Variants in GMDS observed in about 807,000 individuals in gnomAD.
GMDS encodes GDP-mannose 4,6 dehydratase.
A neutral mutation model predicts 49.9 loss-of-function variants in GMDS; 20 were observed. The observed-to-expected ratio is 0.40, with a 90% CI of 0.28 to 0.58. GMDS has a LOEUF of 0.58. Among genes scored for constraint, GMDS ranks in the 20% least tolerant of loss-of-function variants. The pLI, the probability that GMDS is intolerant of heterozygous loss-of-function variation, is 0.42. For missense variants in GMDS, 362 were observed against 481.4 expected, an observed-to-expected ratio of 0.75 and a Z score of 2.32; for synonymous variants, 177 against 178.6, an observed-to-expected ratio of 0.99 and a Z score of 0.07.
intron 9 of GMDS, among the ~76,000 whole-genome samples, chr6:1,701,199 G>A: frequency 6.6e-6 from 1 of 152,126 alleles, no homozygotes; most frequent in East Asian, 1.9e-4. Context: ...TGTCCGAAGG[G>A]ATAAACTATA....
intron 4 of GMDS, among the ~76,000 whole-genome samples, chr6:2,067,252 C>T (rs1434318464): frequency 2.6e-5 from 4 of 152,148 alleles, no homozygotes; most frequent in South Asian, 2.1e-4. Flanking sequence ...ATCTCTGGGA[C>T]GCATGCAAAG....
At chr6:1,861,659 G>A (rs536371684) in intron 7 of GMDS, among the ~76,000 whole-genome samples, 2 of 152,186 alleles carry the variant, frequency 1.3e-5, no homozygotes, top group Non-Finnish European at 2.9e-5. Flanking sequence ...AAGGCAGGAG[G>A]TATCCCATAG....
At chr6:2,183,071 T>G (rs1415177514) in intron 1 of GMDS, among the ~76,000 whole-genome samples, 1 of 152,178 alleles carries the variant, frequency 6.6e-6, no homozygotes. Flanking sequence ...AGAGCTCTGA[T>G]GGAGATGTAC....
chr6:1,830,742 T>C lies in GMDS; in HGVS notation c.772-88156A>G, dbSNP rs75128356. 2.7e-3 allele frequency among the ~76,000 whole-genome samples: 418 copies of C among 152,308 alleles called. 2 individuals are homozygous for C. The highest frequency in any genetic ancestry group is 9.6e-3 in the African/African-American group (398 of 41,566). On this transcript the variant is annotated intron_variant, in intron 7 of 10. Transcript: ENST00000380815. ...TGTGATAGTTATTATCAACAAGATA[T>C]TAAATTATCTGAAATTTATATAAAA... is the stretch of plus-strand genomic sequence containing the variant.
intron 7 of GMDS, among the ~76,000 whole-genome samples, chr6:1,798,226 C>A (rs1769812119): frequency 7.1e-6 from 1 of 139,874 alleles, no homozygotes; most frequent in Admixed American, 7.5e-5. Flanking sequence ...AAATTTACTT[C>A]TAATTACAGA....
intron 4 of GMDS, among the ~76,000 whole-genome samples, chr6:2,091,213 T>A (rs1487410335): frequency 6.6e-6 from 1 of 152,164 alleles, no homozygotes; most frequent in Non-Finnish European, 1.5e-5. Flanking sequence ...CAAAAGGAGA[T>A]CCAAACTACC....
At chr6:1,738,054 CACACACAT>C (rs1204124917) in intron 8 of GMDS, among the ~76,000 whole-genome samples, 12 of 143,474 alleles carry the variant, frequency 8.4e-5, no homozygotes, top group Admixed American at 7.0e-4. Context: ...CCACATACAC[CACACACAT>C]ACACACATAC....
intron 7 of GMDS, among the ~76,000 whole-genome samples, chr6:1,887,447 T>C (rs1236246174): frequency 6.7e-6 from 1 of 150,214 alleles, no homozygotes; most frequent in East Asian, 1.9e-4. Context: ...CATATTTATG[T>C]TCGGCTACCT....
intron 1 of GMDS, among the ~76,000 whole-genome samples, chr6:2,127,674 A>T (rs1240884691): frequency 6.6e-6 from 1 of 152,228 alleles, no homozygotes; most frequent in Non-Finnish European, 1.5e-5. Flanking sequence ...AAACGAGCCG[A>T]GCGAGGGCTC....
At position 2,089,151 on chromosome 6, in the gene GMDS, A is replaced by G. The variant is rs116852885; in HGVS notation, c.345+26620T>C. On this transcript the variant is annotated intron_variant, in intron 4 of 10. Coordinates refer to ENST00000380815, the MANE Select transcript of GMDS (RefSeq NM_001500.4). ...GAATGTCATGAATAAATGGTGCTCA[A>G]TCATTCCCCCAGCTTCCAATACTTT... 5.3e-4 allele frequency among the ~76,000 whole-genome samples: 81 copies of G among 152,358 alleles called. 1 individual carries two copies. The East Asian group carries it at 0.015, about 28-fold the overall frequency.
chr6:1,891,454 T>C (rs889354126), intron 7 of GMDS, among the ~76,000 whole-genome samples: 29 of 152,230 alleles, frequency 1.9e-4, no homozygotes, highest in African/African-American at 6.8e-4. Context: ...ATCCCTGAAC[T>C]TCCAGAGTAG....
chr6:2,096,632 T>C (rs1016418867), intron 4 of GMDS, among the ~76,000 whole-genome samples: 1 of 152,164 alleles, frequency 6.6e-6, no homozygotes, highest in Non-Finnish European at 1.5e-5. Flanking sequence ...TTTAAATAGG[T>C]TCTTTAGCTG....
At position 1,833,679 on chromosome 6, in the gene GMDS, C is replaced by T. The variant is rs1756785034; in HGVS notation, c.772-91093G>A. On this transcript the variant is annotated intron_variant, in intron 7 of 10. Coordinates refer to ENST00000380815, the MANE Select transcript of GMDS (RefSeq NM_001500.4). This position sits in a 1 kb window ranked among gnomAD's most constrained non-coding sequence, Gnocchi z 4.4. ...CATATTTTGGATGACCTAATTCTTC[C>T]AGCGAAGTTTAAAACTATAACCAAG... 6.6e-6 allele frequency among the ~76,000 whole-genome samples: 1 copy of T among 152,102 alleles called. No individual in the cohort carries two copies. Among genetic ancestry groups the T allele is most frequent in the Non-Finnish European group, 1.5e-5 (1 of 68,010 alleles).
chr6:1,776,671 C>A (rs966821646), intron 7 of GMDS, among the ~76,000 whole-genome samples: 1 of 152,090 alleles, frequency 6.6e-6, no homozygotes, highest in Non-Finnish European at 1.5e-5. Context: ...CATAACAAGA[C>A]CTTGTCCCTA....
At chr6:1,883,129 G>A (rs528323561) in intron 7 of GMDS, among the ~76,000 whole-genome samples, 2 of 152,228 alleles carry the variant, frequency 1.3e-5, no homozygotes, top group Non-Finnish European at 2.9e-5. Context: ...TGGGCCGGGT[G>A]CGGTGGCAAT....
chr6:2,010,300 C>G (rs1377430514), intron 4 of GMDS, among the ~76,000 whole-genome samples: 4 of 146,714 alleles, frequency 2.7e-5, no homozygotes, highest in Non-Finnish European at 6.0e-5. Context: ...GCACTCCAGC[C>G]TGGGTGACAT....
At chr6:1,874,357 AAAGAGAGTTGGTCCCCT>A (rs1470260809) in intron 7 of GMDS, among the ~76,000 whole-genome samples, 2 of 152,190 alleles carry the variant, frequency 1.3e-5, no homozygotes, top group Non-Finnish European at 2.9e-5. Context: ...TCCTTAGTAA[AAAGAGAGTTGGTCCCCT>A]TATACTCAAG....
intron 1 of GMDS, among the ~76,000 whole-genome samples, chr6:2,240,972 G>C (rs1483697163): frequency 6.6e-6 from 1 of 152,224 alleles, no homozygotes; most frequent in Non-Finnish European, 1.5e-5. Context: ...TGGTGCTGGG[G>C]AGCAATCACC....
At chr6:1,879,811 G>A (rs765519371) in intron 7 of GMDS, among the ~76,000 whole-genome samples, 36 of 152,024 alleles carry the variant, frequency 2.4e-4, no homozygotes, top group Middle Eastern at 3.2e-3. Context: ...ATCTGATCTC[G>A]ATATCGTGTA....
Sources: allele counts gnomAD v4.1 joint callset (sites outside exome capture counted in the v4.1 genomes callset), GRCh38; gene constraint gnomAD v4.1.1; non-coding constraint Gnocchi (gnomAD v3.1); transcripts MANE v1.5; gene names NCBI Gene and HGNC (gene_info 2026-07-23, HGNC 2026-07-21).